Variants in MTMR8 observed in about 807,000 individuals in gnomAD.
MTMR8 encodes myotubularin related protein 8.
A neutral mutation model predicts 39.3 loss-of-function variants in MTMR8; 65 were observed. The observed-to-expected ratio is 1.65, with a 90% CI of 1.35 to 2.03. MTMR8 has a LOEUF of 2.03. Ranked by LOEUF, MTMR8 falls within the 30% of genes most tolerant of loss-of-function variation. The pLI is 0.00. For missense variants in MTMR8, 777 were observed against 538.9 expected (o/e 1.44, Z -4.37); for synonymous variants, 245 against 185.2 (o/e 1.32, Z -2.62).
At chrX:64,338,496 A>G (rs1923132829) in intron 8 of MTMR8, among the ~76,000 whole-genome samples, 1 of 112,251 alleles carries the variant, frequency 8.9e-6, no homozygotes, top group South Asian at 3.7e-4. Flanking sequence ...AGGAGGCATG[A>G]CATAGAGGAA....
chrX:64,356,817 A>C (rs1242616163), intron 2 of MTMR8, among the ~76,000 whole-genome samples: 3 of 109,604 alleles, frequency 2.7e-5, no homozygotes, highest in African/African-American at 9.9e-5. Flanking sequence ...TAATCATCCT[A>C]TTTCAGGAAT....
At chrX:64,332,210 G>C (rs1922961845) in intron 10 of MTMR8, among the ~76,000 whole-genome samples, 1 of 112,061 alleles carries the variant, frequency 8.9e-6, no homozygotes, top group Admixed American at 9.5e-5. Flanking sequence ...TTACTGCATA[G>C]TGCCTGGCAC....
chrX:64,331,886 T>C, intron 10 of MTMR8, 129 bp from the exon 11 acceptor site: 1 of 534,569 alleles, frequency 1.9e-6, no homozygotes, highest in Non-Finnish European at 3.0e-6. Flanking sequence ...CATACCAAAA[T>C]GCCAGCCAGA....
At chrX:64,271,637 C>T (rs1931764260) in intron 12 of MTMR8, among the ~76,000 whole-genome samples, 1 of 112,586 alleles carries the variant, frequency 8.9e-6, no homozygotes, top group Non-Finnish European at 1.9e-5. Flanking sequence ...AGGAAACCCC[C>T]ATTCCCAGCT....
At chrX:64,312,271 A>C (rs1435142995) in intron 12 of MTMR8, among the ~76,000 whole-genome samples, 6 of 111,656 alleles carry the variant, frequency 5.4e-5, no homozygotes, top group Admixed American at 9.5e-5. Flanking sequence ...AGCAATTTTG[A>C]ATGGGAATTC....
At chrX:64,293,019 A>G (rs1394343931) in intron 12 of MTMR8, among the ~76,000 whole-genome samples, 2 of 111,121 alleles carry the variant, frequency 1.8e-5, no homozygotes, top group African/African-American at 6.6e-5. Flanking sequence ...CTGTCAATGG[A>G]AAATGTTAAC....
chrX:64,339,819 G>C (rs947775211), intron 8 of MTMR8, among the ~76,000 whole-genome samples: 7 of 110,119 alleles, frequency 6.4e-5, no homozygotes, highest in African/African-American at 2.3e-4. Context: ...AAGGATAATA[G>C]TGAGAAGAGG....
chrX:64,379,328 G>C (rs1484780536), intron 1 of MTMR8, among the ~76,000 whole-genome samples: 3 of 111,828 alleles, frequency 2.7e-5, no homozygotes, highest in African/African-American at 9.7e-5. Context: ...TTACTAGAAA[G>C]GAAAAGTACA....
intron 12 of MTMR8, among the ~76,000 whole-genome samples, chrX:64,283,493 G>A (rs1602106087): frequency 8.9e-6 from 1 of 111,836 alleles, no homozygotes; most frequent in Admixed American, 9.5e-5. Flanking sequence ...TCCCAGCACG[G>A]AGTTTGAGAT....
In MTMR8 at chrX:64,336,085, G is replaced by A. The variant is rs1226448962; in HGVS notation, c.1145C>T (p.Ser382Phe). 1.7e-6 allele frequency: 2 copies of A among 1,190,461 alleles called. No individual in the cohort carries two copies. The highest frequency in any genetic ancestry group is 1.9e-5 in the South Asian group (1 of 53,792). The change falls in exon 10 of 14, where the codon TCC (serine) becomes TTC (phenylalanine). Residue 382 changes from serine (S) to phenylalanine (F), a missense_variant. By Grantham distance (155) the Ser-to-Phe change is radical (BLOSUM62 -2). Transcript: ENST00000374852. ...KEWISMGHKF[S>F]QRCGHLDGDS... Reference sequence around the variant, plus strand: ...AAAATGAGTATATTTTTACCTTTGGGAAAACTTGTGGCCCATGGATATCCA... The same window carrying A: ...AAAATGAGTATATTTTTACCTTTGGAAAAACTTGTGGCCCATGGATATCCA...
chrX:64,369,842 G>A (rs1461074061), intron 1 of MTMR8, among the ~76,000 whole-genome samples: 1 of 111,140 alleles, frequency 9.0e-6, no homozygotes, highest in East Asian at 2.8e-4. Flanking sequence ...AATGTGATGG[G>A]ATATTATGCA....
intron 1 of MTMR8, among the ~76,000 whole-genome samples, chrX:64,364,757 A>C (rs1923897821): frequency 8.9e-6 from 1 of 112,003 alleles, no homozygotes; most frequent in Non-Finnish European, 1.9e-5. Context: ...CTAGATGAAG[A>C]ATGGCTTTCA....
chrX:64,280,379 C>G (rs1430437339), intron 12 of MTMR8, among the ~76,000 whole-genome samples: 2 of 111,898 alleles, frequency 1.8e-5, no homozygotes, highest in African/African-American at 6.5e-5. Context: ...CTCTGGGAGG[C>G]AAGGCTGGTT....
At chrX:64,282,744 G>A (rs751770235) in intron 12 of MTMR8, among the ~76,000 whole-genome samples, 1 of 111,233 alleles carries the variant, frequency 9.0e-6, no homozygotes, top group African/African-American at 3.3e-5. Context: ...AAACTTTTGT[G>A]TATCAAAATA....
chrX:64,364,514 G>C (rs1309951903), intron 1 of MTMR8, among the ~76,000 whole-genome samples: 1 of 112,052 alleles, frequency 8.9e-6, no homozygotes, highest in African/African-American at 3.2e-5. Flanking sequence ...ACCTGCAGCT[G>C]AGGGACCTGA....
intron 12 of MTMR8, among the ~76,000 whole-genome samples, chrX:64,307,189 G>C (rs996345559): frequency 8.9e-6 from 1 of 111,906 alleles, no homozygotes; most frequent in Non-Finnish European, 1.9e-5. Context: ...GTTATTTGTA[G>C]TATTTTCTCC....
chrX:64,318,564 C>T (rs1224701957), intron 12 of MTMR8, among the ~76,000 whole-genome samples: 1 of 111,062 alleles, frequency 9.0e-6, no homozygotes, highest in East Asian at 2.8e-4. Context: ...GTCAATCTGC[C>T]TTCTACTCTG....
At chrX:64,388,377 G>A (rs1369879509) in intron 1 of MTMR8, among the ~76,000 whole-genome samples, 1 of 111,815 alleles carries the variant, frequency 8.9e-6, no homozygotes, top group Admixed American at 9.5e-5. Context: ...CTCTAATTTA[G>A]GTCTCTTCTT....
Position 64,325,645 on chromosome X carries a change from A to T in MTMR8, c.1481+3127T>A, listed in dbSNP as rs193180314. ...TATAGAAAGTATGTACCTCACTACA[A>T]ATAAAAGCCACATATGACAAACCCA... On this transcript the variant is annotated intron_variant, in intron 12 of 13. Transcript: ENST00000374852. Among the ~76,000 whole-genome samples, 14 of 112,463 alleles carry T rather than the reference A, an allele frequency of 1.2e-4. No homozygotes were observed. In the East Asian group the frequency reaches 3.6e-3, roughly 29 times the overall value.
Sources: allele counts gnomAD v4.1 joint callset (sites outside exome capture counted in the v4.1 genomes callset), GRCh38; gene constraint gnomAD v4.1.1; transcripts MANE v1.5; gene names NCBI Gene and HGNC (gene_info 2026-07-23, HGNC 2026-07-21).